TTYH2: variants seen among roughly 807,000 people sequenced by gnomAD.
TTYH2 encodes protein tweety homolog 2.
A neutral mutation model predicts 68.3 loss-of-function variants in TTYH2; 49 were observed. The ratio of observed to expected loss-of-function variants is 0.72; its 90% CI spans 0.57 to 0.91. The LOEUF (loss-of-function observed/expected upper bound fraction) is 0.91. Ranked by LOEUF, TTYH2 falls within the 40% of genes least tolerant of loss-of-function variation. TTYH2 has a pLI of 0.00. For synonymous variants in TTYH2, 272 were observed against 300.8 expected (o/e 0.90, Z 0.99); for missense variants, 631 against 700.4 (o/e 0.90, Z 1.12).
Position 74,222,787 on chromosome 17 carries a change from CCT to C in TTYH2, c.302+131_302+132del. The C allele has an allele frequency of 1.7e-6, 2 of 1,168,516 alleles. No individual in the cohort carries two copies. The highest frequency in any genetic ancestry group is 1.7e-5 in the South Asian group (1 of 57,722). The allele number at this position is 1,168,516 out of a possible 1,614,324, so 72.4% of individuals were successfully genotyped here. Reference sequence around the variant, plus strand: ...AGCTTGTCCCCAGATGAATGTTGTCCCTTTTTTTTTTTTTACCAAGCATCAGG... The same window carrying C: ...AGCTTGTCCCCAGATGAATGTTGTCCTTTTTTTTTTTTACCAAGCATCAGG... On this transcript the variant is annotated intron_variant, in intron 2 of 13. Coordinates refer to ENST00000269346, the MANE Select transcript of TTYH2 (RefSeq NM_032646.6). The surrounding 1 kb of genome is among the most constrained non-coding windows in gnomAD (Gnocchi z 5.2).
Position 74,260,936 on chromosome 17 carries a change from A to T in TTYH2, c.*727A>T, listed in dbSNP as rs1319994206. 6.5e-6 allele frequency: 1 copy of T among 152,938 alleles called. No homozygotes were observed. The highest frequency in any genetic ancestry group is 1.5e-5 in the Non-Finnish European group (1 of 68,270). 9.5% of individuals were successfully genotyped at this position (152,938 alleles called of 1,614,324 possible). A position where few individuals can be genotyped will look rare whatever the true frequency, so the allele number is the denominator to read the frequency against. ...CCCTCCATTGCCTCGCCTCTATTCC[A>T]GAATCAATGCTGCAGAATGTGTTAG... On this transcript the variant is annotated 3_prime_UTR_variant, in exon 14 of 14. Transcript: ENST00000269346.
At chr17:74,253,691 A>C in intron 12 of TTYH2, 64 bp from the exon 13 acceptor site, 1 of 1,538,798 alleles carries the variant, frequency 6.5e-7, no homozygotes, top group Non-Finnish European at 9.0e-7. Flanking sequence ...ACCCTCCTGT[A>C]GAAATCTACA....
intron 13 of TTYH2, among the ~76,000 whole-genome samples, chr17:74,255,065 A>T (rs1206485640): frequency 6.6e-6 from 1 of 152,240 alleles, no homozygotes. Flanking sequence ...ATGCTGTCTC[A>T]TCCCAGAGAA....
chr17:74,218,533 A>T (rs1244662629), intron 1 of TTYH2, among the ~76,000 whole-genome samples: 3 of 132,644 alleles, frequency 2.3e-5, no homozygotes, highest in African/African-American at 1.0e-4. Context: ...AAGGAAATCA[A>T]AAAAAAAAAA....
In TTYH2 at chr17:74,250,086, C is replaced by A. The variant is rs1054815864; in HGVS notation, c.1023+58C>A. The stretch of plus-strand genomic sequence containing the variant: ...AGATGAACCCTGACAGCCCTTTCCC[C>A]TGCCCCGGCCCCAGGGCCAGGCTGT... On this transcript the variant is annotated intron_variant, in intron 9 of 13. Coordinates refer to ENST00000269346, the MANE Select transcript of TTYH2 (RefSeq NM_032646.6). The A allele has an allele frequency of 9.4e-6, 15 of 1,588,626 alleles. No homozygotes were observed. The African/African-American group carries it at 2.0e-4, about 21-fold the overall frequency.
At chr17:74,243,513 GATGCC>G (rs1335823917) in intron 5 of TTYH2, 44 bp downstream of exon 5, 2 of 1,597,506 alleles carry the variant, frequency 1.3e-6, no homozygotes, top group East Asian at 2.2e-5. Flanking sequence ...AGCTGGGCAG[GATGCC>G]ATCATCAGAG....
At chr17:74,242,934 G>C (rs1376837810) in intron 4 of TTYH2, among the ~76,000 whole-genome samples, 1 of 152,204 alleles carries the variant, frequency 6.6e-6, no homozygotes, top group Non-Finnish European at 1.5e-5. Context: ...GAGCTGTGCT[G>C]TCCAGGGTGG....
chr17:74,218,177 G>T lies in TTYH2; in HGVS notation c.130-4308G>T, dbSNP rs115218179. 8.6e-3 allele frequency among the ~76,000 whole-genome samples: 1,306 copies of T among 151,122 alleles called. 15 individuals are homozygous for T. Among genetic ancestry groups the T allele is most frequent in the African/African-American group, 0.03 (1,249 of 41,074 alleles). On this transcript the variant is annotated intron_variant, in intron 1 of 13. Coordinates refer to ENST00000269346, the MANE Select transcript of TTYH2 (RefSeq NM_032646.6). ...CCCTGGAAGAGGGTGCTGCTGGTTAGGGGGAGGGGGGTGGGCTCCTACCTG... is the reference window on the plus strand; with the variant it reads ...CCCTGGAAGAGGGTGCTGCTGGTTATGGGGAGGGGGGTGGGCTCCTACCTG...
In TTYH2 at chr17:74,213,579, G is replaced by A. The variant is rs780433947; in HGVS notation, c.-9G>A. ...TCGTTCAGCTTGTGGGTAGCACTCG[G>A]GCCGAGCCATGCAGGCGGCGCGCGT... On this transcript the variant is annotated 5_prime_UTR_variant, in exon 1 of 14. Coordinates refer to ENST00000269346, the MANE Select transcript of TTYH2 (RefSeq NM_032646.6). The surrounding 1 kb of genome is among the most constrained non-coding windows in gnomAD (Gnocchi z 6.1). The A allele has an allele frequency of 6.2e-7, 1 of 1,608,762 alleles. No individual in the cohort carries two copies. The highest frequency in any genetic ancestry group is 1.1e-5 in the South Asian group (1 of 90,672).
chr17:74,237,436 C>G lies in TTYH2; in HGVS notation c.557C>G (p.Ser186Ter). ...QMAGSVVVQL[S>*]GLPVWREVTM... The stretch of plus-strand genomic sequence containing the variant: ...GCGGGCAGCGTTGTTGTTCAGCTCT[C>G]AGGACTGCCCGTGTGGAGGGAGGTC... The change falls in exon 4 of 14, where the codon TCA (serine) becomes TGA (stop). Residue 186 changes from serine (S) to a stop codon, truncating the protein, a stop_gained. Transcript: ENST00000269346. LOFTEE classifies it high-confidence loss of function. 1 of 1,614,106 alleles carries G rather than the reference C, an allele frequency of 6.2e-7. No individual in the cohort carries two copies. The highest frequency in any genetic ancestry group is 8.5e-7 in the Non-Finnish European group (1 of 1,180,028).
In TTYH2 at chr17:74,215,810, A is replaced by G. The variant is rs2050217069; in HGVS notation, c.129+2094A>G. On this transcript the variant is annotated intron_variant, in intron 1 of 13. Coordinates refer to ENST00000269346, the MANE Select transcript of TTYH2 (RefSeq NM_032646.6). This position sits in a 1 kb window ranked among gnomAD's most constrained non-coding sequence, Gnocchi z 4.3. ...AGTCAGGTGGACCGTCGGTCATCCCAGTCTTCAGCAAGCTTGACTGGAGCA... is the reference window on the plus strand; with the variant it reads ...AGTCAGGTGGACCGTCGGTCATCCCGGTCTTCAGCAAGCTTGACTGGAGCA... 1 of 1,255,884 alleles carries G rather than the reference A, an allele frequency of 8.0e-7. No individual in the cohort carries two copies. The highest frequency in any genetic ancestry group is 1.5e-5 in the African/African-American group (1 of 67,424). The allele number at this position is 1,255,884 out of a possible 1,614,324, so 77.8% of individuals were successfully genotyped here. A position where few individuals can be genotyped will look rare whatever the true frequency, so the allele number is the denominator to read the frequency against.
chr17:74,252,807 T>G (rs1163016627), intron 11 of TTYH2, among the ~76,000 whole-genome samples: 2 of 152,154 alleles, frequency 1.3e-5, no homozygotes, highest in Non-Finnish European at 2.9e-5. Context: ...TACAGGCACC[T>G]GGTGAGCGGA....
chr17:74,214,043 CA>C lies in TTYH2; in HGVS notation c.129+328del, dbSNP rs935461148. ...GGGCGGCGCGGGGGAGGGGTAAGGA[CA>C]GGGGCATTCGTCTCGGGGTAATCCT... On this transcript the variant is annotated intron_variant, in intron 1 of 13. Transcript: ENST00000269346. The surrounding 1 kb of genome is among the most constrained non-coding windows in gnomAD (Gnocchi z 4.6). 3.9e-5 allele frequency among the ~76,000 whole-genome samples: 6 copies of C among 152,152 alleles called. No homozygotes were observed. The highest frequency in any genetic ancestry group is 1.4e-4 in the African/African-American group (6 of 41,530).
intron 4 of TTYH2, 110 bp from the exon 5 acceptor site, chr17:74,243,264 C>T: frequency 6.7e-6 from 6 of 899,544 alleles, no homozygotes; most frequent in South Asian, 5.6e-5. Flanking sequence ...GCAGCATGTC[C>T]ATAGTAGAGG....
At chr17:74,226,920 A>C (rs1386670998) in intron 2 of TTYH2, among the ~76,000 whole-genome samples, 1 of 152,050 alleles carries the variant, frequency 6.6e-6, no homozygotes, top group Non-Finnish European at 1.5e-5. Context: ...ACCTCATTAA[A>C]CAGCCAAGGC....
At chr17:74,235,347 C>T (rs943471468) in intron 3 of TTYH2, among the ~76,000 whole-genome samples, 13 of 152,166 alleles carry the variant, frequency 8.5e-5, no homozygotes, top group African/African-American at 2.4e-4. Flanking sequence ...TGAAGGCTGC[C>T]GAGTGTGGAT....
intron 1 of TTYH2, among the ~76,000 whole-genome samples, chr17:74,220,481 A>G (rs2050264700): frequency 6.6e-6 from 1 of 152,222 alleles, no homozygotes; most frequent in South Asian, 2.1e-4. Context: ...TCAGGGCCAC[A>G]GGTCACAGGG....
rs1019069584 is a variant in TTYH2 at position 74,253,739 on chromosome 17, C to T, written c.1446-16C>T. On this transcript the variant is annotated splice_polypyrimidine_tract_variant and intron_variant, in intron 12 of 13. Transcript: ENST00000269346. ...CCCACACCATCCCCTCCTGAGCTCTCCTCTCATCCCCGCAGGAACCAAGCC... is the reference window on the plus strand; with the variant it reads ...CCCACACCATCCCCTCCTGAGCTCTTCTCTCATCCCCGCAGGAACCAAGCC... The T allele has an allele frequency of 1.9e-6, 3 of 1,613,894 alleles. No homozygotes were observed. In the African/African-American group the frequency reaches 4.0e-5, roughly 22 times the overall value.
chr17:74,257,781 G>A (rs1008082765), intron 13 of TTYH2, among the ~76,000 whole-genome samples: 4 of 152,228 alleles, frequency 2.6e-5, no homozygotes, highest in African/African-American at 9.6e-5. Flanking sequence ...TACAGAAACA[G>A]AATATCTTGG....
Sources: allele counts gnomAD v4.1 joint callset (sites outside exome capture counted in the v4.1 genomes callset), GRCh38; gene constraint gnomAD v4.1.1; non-coding constraint Gnocchi (gnomAD v3.1); transcripts MANE v1.5; gene names NCBI Gene and HGNC (gene_info 2026-07-23, HGNC 2026-07-21).